THSD4: variants seen among roughly 807,000 people sequenced by gnomAD.
The protein encoded by THSD4 is thrombospondin type 1 domain containing 4.
Under a neutral mutation model 119.0 loss-of-function variants are expected in THSD4, and 69 were observed. The observed-to-expected ratio is 0.58, with a 90% CI of 0.48 to 0.71. The LOEUF is 0.71. THSD4 is among the 30% of genes least tolerant of loss of function. THSD4 has a pLI of 0.00. For missense variants in THSD4, 1,393 were observed against 1,391.1 expected, an observed-to-expected ratio of 1.00 and a Z score of -0.02; for synonymous variants, 524 against 540.4, an observed-to-expected ratio of 0.97 and a Z score of 0.42.
chr15:71,338,687 A>G (rs11637373), intron 6 of THSD4, among the ~76,000 whole-genome samples: 34,539 of 152,012 alleles, frequency 0.23, 4,783 homozygotes, highest in East Asian at 0.58. Flanking sequence ...ATCTGTGCCC[A>G]AACACTGAGA....
At chr15:71,453,869 A>G (rs1341345849) in intron 7 of THSD4, among the ~76,000 whole-genome samples, 3 of 152,246 alleles carry the variant, frequency 2.0e-5, no homozygotes, top group Non-Finnish European at 4.4e-5. Flanking sequence ...TCTTCCAGGC[A>G]TGGGAGCATT....
At chr15:71,341,094 C>G in intron 6 of THSD4, 10 of 1,147,984 alleles carry the variant, frequency 8.7e-6, no homozygotes, top group African/African-American at 1.5e-5. Context: ...TCTATTGTCT[C>G]TTCTGTCTTC....
intron 7 of THSD4, among the ~76,000 whole-genome samples, chr15:71,592,377 G>A (rs1029463345): frequency 8.5e-5 from 13 of 152,162 alleles, no homozygotes; most frequent in African/African-American, 2.7e-4. Context: ...CCATCTGAGC[G>A]TGTGCACAGC....
At chr15:71,125,112 G>A (rs2040442509) in intron 1 of THSD4, among the ~76,000 whole-genome samples, 1 of 151,956 alleles carries the variant, frequency 6.6e-6, no homozygotes, top group African/African-American at 2.4e-5. Flanking sequence ...AGAGGAAGGG[G>A]AAAGGGAAGG....
At chr15:71,744,183 A>G (rs567977485) in intron 11 of THSD4, among the ~76,000 whole-genome samples, 2 of 146,404 alleles carry the variant, frequency 1.4e-5, no homozygotes, top group Admixed American at 6.9e-5. Flanking sequence ...ATTGACACCT[A>G]GACATTCCAT....
At chr15:71,537,093 T>C (rs934889888) in intron 7 of THSD4, among the ~76,000 whole-genome samples, 2 of 152,174 alleles carry the variant, frequency 1.3e-5, no homozygotes, top group Admixed American at 1.3e-4. Context: ...GGGTTTTGTG[T>C]TTTTAAAAAT....
At chr15:71,331,158 C>A (rs981059646) in intron 6 of THSD4, among the ~76,000 whole-genome samples, 1 of 152,178 alleles carries the variant, frequency 6.6e-6, no homozygotes, top group Non-Finnish European at 1.5e-5. Flanking sequence ...GCTGTTTGGG[C>A]GTCTCCCCAG....
rs1358312948 is a variant in THSD4, at chr15:71,216,972, T to A, written c.464+1573T>A. Among the ~76,000 whole-genome samples the A allele has an allele frequency of 2.0e-5, 3 of 152,086 alleles. No homozygotes were observed. The South Asian group carries it at 6.2e-4, about 32-fold the overall frequency. On this transcript the variant is annotated intron_variant, in intron 4 of 17. Coordinates refer to ENST00000261862, the MANE Select transcript of THSD4 (RefSeq NM_024817.3). ...CCACCATACCCAGCTAATTTTTGTATCTTTAGTAGAGGTGGGGTTTCGCCA... is the reference window on the plus strand; with the variant it reads ...CCACCATACCCAGCTAATTTTTGTAACTTTAGTAGAGGTGGGGTTTCGCCA...
At chr15:71,453,682 G>A (rs769052315) in intron 7 of THSD4, among the ~76,000 whole-genome samples, 3 of 152,180 alleles carry the variant, frequency 2.0e-5, no homozygotes, top group Non-Finnish European at 4.4e-5. Flanking sequence ...TTGTTCCCTG[G>A]AGGTATTGTA....
chr15:71,326,220 G>A (rs1567196372), intron 6 of THSD4, among the ~76,000 whole-genome samples: 1 of 152,134 alleles, frequency 6.6e-6, no homozygotes. Context: ...TCACAATGTG[G>A]AGATAAAAAA....
At position 71,423,831 on chromosome 15, in the gene THSD4, G is replaced by A. The variant is rs547298885; in HGVS notation, c.1152+12008G>A. Among the ~76,000 whole-genome samples the A allele has an allele frequency of 3.3e-5, 5 of 152,330 alleles. No individual in the cohort carries two copies. In the Middle Eastern group the frequency reaches 0.01, roughly 311 times the overall value. The stretch of plus-strand genomic sequence containing the variant: ...AGAGTACATTAGCCCACCGTGGCAA[G>A]CCTTGCCATAACTCAAGTTCCAACC... On this transcript the variant is annotated intron_variant, in intron 7 of 17. Transcript: ENST00000261862.
intron 8 of THSD4, among the ~76,000 whole-genome samples, chr15:71,705,811 T>G (rs2052382277): frequency 1.3e-5 from 2 of 152,184 alleles, no homozygotes; most frequent in Non-Finnish European, 2.9e-5. Context: ...TCCAAGAGTT[T>G]GTGGCAGTTC....
At chr15:71,256,258 T>A (rs1372544598) in intron 5 of THSD4, among the ~76,000 whole-genome samples, 1 of 151,982 alleles carries the variant, frequency 6.6e-6, no homozygotes, top group African/African-American at 2.4e-5. Flanking sequence ...GTGGATCACC[T>A]AAGGTCAGGA....
intron 6 of THSD4, among the ~76,000 whole-genome samples, chr15:71,395,938 CACACACACACACACAA>C (rs2046446991): frequency 6.6e-6 from 1 of 150,614 alleles, no homozygotes; most frequent in Non-Finnish European, 1.5e-5. Flanking sequence ...CACACACACA[CACACACACACACACAA>C]ACACAGACTT....
At chr15:71,548,616 C>T (rs2048876992) in intron 7 of THSD4, among the ~76,000 whole-genome samples, 1 of 152,172 alleles carries the variant, frequency 6.6e-6, no homozygotes, top group Admixed American at 6.5e-5. Flanking sequence ...GTCCTCTGCT[C>T]TGTAGACATT....
chr15:71,595,027 G>A (rs2049882625), intron 7 of THSD4, among the ~76,000 whole-genome samples: 2 of 152,174 alleles, frequency 1.3e-5, no homozygotes, highest in Admixed American at 1.3e-4. Context: ...TGGTGATATG[G>A]TATAAACAGG....
chr15:71,684,352 A>G (rs527568527), intron 8 of THSD4, among the ~76,000 whole-genome samples: 3 of 152,220 alleles, frequency 2.0e-5, no homozygotes, highest in African/African-American at 7.2e-5. Flanking sequence ...TCCAATAGTA[A>G]TTACTCTGAA....
intron 7 of THSD4, among the ~76,000 whole-genome samples, chr15:71,564,973 C>T (rs960109345): frequency 3.9e-5 from 6 of 151,900 alleles, no homozygotes; most frequent in South Asian, 2.1e-4. Context: ...TCAATAGTAT[C>T]ACATCAATTA....
chr15:71,648,164 G>C (rs2051009720), intron 7 of THSD4, among the ~76,000 whole-genome samples: 1 of 152,158 alleles, frequency 6.6e-6, no homozygotes, highest in African/African-American at 2.4e-5. Context: ...CAGAGCTTTG[G>C]CAAAATAGGG....
Sources: allele counts gnomAD v4.1 joint callset (sites outside exome capture counted in the v4.1 genomes callset), GRCh38; gene constraint gnomAD v4.1.1; transcripts MANE v1.5; gene names NCBI Gene and HGNC (gene_info 2026-07-23, HGNC 2026-07-21).